The following PTPRM variants were observed in gnomAD, a reference collection of about 807,000 sequenced individuals.
PTPRM encodes the protein receptor-type tyrosine-protein phosphatase mu.
Under a neutral mutation model 186.7 loss-of-function variants are expected in PTPRM, and 47 were observed. That is an observed-to-expected ratio of 0.25 (90% CI 0.20 to 0.32). The LOEUF (loss-of-function observed/expected upper bound fraction) is 0.32. Ranked by LOEUF, PTPRM falls within the 10% of genes least tolerant of loss-of-function variation. The probability of loss-of-function intolerance (pLI) is 1.00; values close to 1 mark genes in which losing one functional copy is unlikely to be tolerated. For synonymous variants in PTPRM, 668 were observed against 674.9 expected, an observed-to-expected ratio of 0.99 and a Z score of 0.16; for missense variants, 1,494 against 1,865.0, an observed-to-expected ratio of 0.80 and a Z score of 3.66.
At chr18:8,346,018 C>G (rs2095502967) in intron 23 of PTPRM, among the ~76,000 whole-genome samples, 1 of 152,214 alleles carries the variant, frequency 6.6e-6, no homozygotes, top group Admixed American at 6.5e-5. Context: ...AGTTTAAACA[C>G]TTCCAGAGCA....
intron 32 of PTPRM, among the ~76,000 whole-genome samples, chr18:8,397,245 G>GT (rs1198838792): frequency 6.6e-6 from 1 of 152,224 alleles, no homozygotes; most frequent in Non-Finnish European, 1.5e-5. Context: ...GGTCCCTTCC[G>GT]TTCAGAACAG....
rs532974886 is a variant in PTPRM at position 7,933,890 on chromosome 18, TAATAAA to T, written c.663+7210_663+7215del. The stretch of plus-strand genomic sequence containing the variant: ...ATCATGCAGAGTTACAAAAACTGAT[TAATAAA>T]AACAGGCATATGTTGGAGTAATTTT... On this transcript the variant is annotated intron_variant, in intron 5 of 32. Transcript: ENST00000580170. Among the ~76,000 whole-genome samples, 8 of 152,300 alleles carry T rather than the reference TAATAAA, an allele frequency of 5.3e-5. No homozygotes were observed. The South Asian group carries it at 1.7e-3, about 32-fold the overall frequency.
chr18:7,885,228 T>C (rs1176407639), intron 2 of PTPRM, among the ~76,000 whole-genome samples: 1 of 152,102 alleles, frequency 6.6e-6, no homozygotes, highest in Non-Finnish European at 1.5e-5. Context: ...AACGTAAAAA[T>C]ATCATCTGAG....
intron 7 of PTPRM, among the ~76,000 whole-genome samples, chr18:7,957,046 C>T (rs2053359373): frequency 1.3e-5 from 2 of 152,106 alleles, no homozygotes; most frequent in South Asian, 4.1e-4. Flanking sequence ...TTGGGCATGG[C>T]AATATATGGT....
rs75034751 is a variant in PTPRM, at chr18:8,400,562, C to G, written c.4345-5547C>G. Reference sequence around the variant, plus strand: ...GGTGTAGGAGGATCAGCGGGCCTCTCCCTTCCCTGCAGTGCCATGCGGCGG... The same window carrying G: ...GGTGTAGGAGGATCAGCGGGCCTCTGCCTTCCCTGCAGTGCCATGCGGCGG... On this transcript the variant is annotated intron_variant, in intron 32 of 32. Transcript: ENST00000580170. Among the ~76,000 whole-genome samples, 171 of 152,316 alleles carry G rather than the reference C, an allele frequency of 1.1e-3. 2 individuals carry two copies. In the East Asian group the frequency reaches 0.028, roughly 25 times the overall value.
intron 22 of PTPRM, among the ~76,000 whole-genome samples, chr18:8,325,496 T>C (rs1180774245): frequency 1.3e-5 from 2 of 152,230 alleles, no homozygotes; most frequent in Non-Finnish European, 2.9e-5. Flanking sequence ...GGACATAATC[T>C]CATTCTTTTT....
chr18:7,679,396 G>C (rs1179980072), intron 1 of PTPRM, among the ~76,000 whole-genome samples: 1 of 152,066 alleles, frequency 6.6e-6, no homozygotes, highest in Non-Finnish European at 1.5e-5. Flanking sequence ...GGGGTGCAGT[G>C]GCTTACACCT....
intron 7 of PTPRM, among the ~76,000 whole-genome samples, chr18:7,974,416 T>C (rs1568109487): frequency 6.6e-6 from 1 of 152,150 alleles, no homozygotes; most frequent in Non-Finnish European, 1.5e-5. Context: ...AGAGCAGTTG[T>C]AGAGAAGAGG....
At chr18:8,224,278 A>T (rs2094187720) in intron 14 of PTPRM, among the ~76,000 whole-genome samples, 1 of 152,204 alleles carries the variant, frequency 6.6e-6, no homozygotes, top group African/African-American at 2.4e-5. Context: ...TTTTTATTTA[A>T]ATCTTGTGAC....
At chr18:8,009,870 C>T (rs983449071) in intron 7 of PTPRM, among the ~76,000 whole-genome samples, 2 of 152,024 alleles carry the variant, frequency 1.3e-5, no homozygotes, top group African/African-American at 2.4e-5. Flanking sequence ...AACTAGAACT[C>T]GAGATAATAA....
intron 1 of PTPRM, among the ~76,000 whole-genome samples, chr18:7,648,882 G>A (rs985642772): frequency 2.0e-5 from 3 of 152,162 alleles, no homozygotes; most frequent in Non-Finnish European, 4.4e-5. Context: ...GATGAAGGTG[G>A]CTACACTAAA....
intron 21 of PTPRM, among the ~76,000 whole-genome samples, chr18:8,316,667 A>G (rs1380515337): frequency 6.6e-6 from 1 of 152,214 alleles, no homozygotes; most frequent in African/African-American, 2.4e-5. Context: ...TGCTGTTCTA[A>G]TTAGGAGAAA....
Position 7,886,339 on chromosome 18 carries a change from T to A in PTPRM, c.197-1767T>A, listed in dbSNP as rs144008780. 3.3e-3 allele frequency among the ~76,000 whole-genome samples: 500 copies of A among 152,352 alleles called. 1 individual carries two copies. Among genetic ancestry groups the A allele is most frequent in the African/African-American group, 0.011 (460 of 41,582 alleles). Reference sequence around the variant, plus strand: ...CAGTAACTAACCTGAATTATTTCAATGATACTCTCGTCACTTGTTCTTTCT... The same window carrying A: ...CAGTAACTAACCTGAATTATTTCAAAGATACTCTCGTCACTTGTTCTTTCT... On this transcript the variant is annotated intron_variant, in intron 2 of 32. Coordinates refer to ENST00000580170, the MANE Select transcript of PTPRM (RefSeq NM_001105244.2).
At chr18:7,812,279 C>T (rs1329037435) in intron 2 of PTPRM, among the ~76,000 whole-genome samples, 1 of 152,082 alleles carries the variant, frequency 6.6e-6, no homozygotes, top group Non-Finnish European at 1.5e-5. Context: ...TTTAAAAAAC[C>T]GGTTTTGATG....
At chr18:8,392,918 A>G (rs1200813459) in intron 31 of PTPRM, among the ~76,000 whole-genome samples, 2 of 152,206 alleles carry the variant, frequency 1.3e-5, no homozygotes, top group Non-Finnish European at 2.9e-5. Flanking sequence ...TAAATAAACA[A>G]TAATAGGGAA....
At position 7,888,245 on chromosome 18, in the gene PTPRM, G is replaced by T. The variant is rs202244854; in HGVS notation, c.336G>T (p.Gly112=). 3.1e-6 allele frequency: 5 copies of T among 1,613,970 alleles called. No individual in the cohort carries two copies. The Admixed American group carries it at 6.7e-5, about 22-fold the overall frequency. The change falls in exon 3 of 33, where the codon GGG becomes GGT. Residue 112 remains glycine (G), a synonymous_variant. Coordinates refer to ENST00000580170, the MANE Select transcript of PTPRM (RefSeq NM_001105244.2). ...FVSSKSNSPP[G]LLNVYVKVNN... is the part of the protein sequence containing the mutation. ...CCAGCAAGAGTAATTCTCCTCCGGG[G>T]TTACTCAATGTCTACGTGAAGGTCA...
At chr18:8,086,060 G>A (rs1023447937) in intron 10 of PTPRM, among the ~76,000 whole-genome samples, 188 bp downstream of exon 10, 1 of 152,134 alleles carries the variant, frequency 6.6e-6, no homozygotes, top group Non-Finnish European at 1.5e-5. Flanking sequence ...GGGAGCTTAA[G>A]ATCCTCACAT....
At chr18:7,903,218 A>C (rs926644521) in intron 3 of PTPRM, among the ~76,000 whole-genome samples, 6 of 152,224 alleles carry the variant, frequency 3.9e-5, no homozygotes, top group African/African-American at 1.4e-4. Flanking sequence ...GCATGGATGA[A>C]TAAGAGAGAA....
chr18:7,823,114 C>T (rs547106869), intron 2 of PTPRM, among the ~76,000 whole-genome samples: 1 of 152,102 alleles, frequency 6.6e-6, no homozygotes, highest in South Asian at 2.1e-4. Flanking sequence ...TTGTAGTATC[C>T]GTTCTACTCT....
Sources: gnomAD v4.1 joint callset for allele counts (sites outside exome capture counted in the v4.1 genomes callset) on GRCh38, gnomAD v4.1.1 for gene constraint, MANE v1.5 for transcripts, NCBI Gene and HGNC (gene_info 2026-07-23, HGNC 2026-07-21) for gene names.